The following LIG3 variants were observed in gnomAD, a reference collection of about 807,000 sequenced individuals.
LIG3 encodes ligase II, DNA, ATP-dependent.
In LIG3, 58 loss-of-function variants were observed where a neutral mutation model predicts 110.9. The ratio of observed to expected loss-of-function variants is 0.52; its 90% CI spans 0.42 to 0.65. The LOEUF is 0.65. Ranked by LOEUF, LIG3 falls within the 30% of genes least tolerant of loss-of-function variation. The pLI is 0.00. For missense variants in LIG3, 1,094 were observed against 1,273.8 expected (o/e 0.86, Z 2.15); for synonymous variants, 422 against 472.8 (o/e 0.89, Z 1.39).
Position 35,005,367 on chromosome 17 carries a change from C to G in LIG3, c.*861C>G, listed in dbSNP as rs568804267. The G allele has an allele frequency of 3.6e-6, 2 of 557,562 alleles. No individual in the cohort carries two copies. The highest frequency in any genetic ancestry group is 1.9e-5 in the African/African-American group (1 of 52,872). The allele number at this position is 557,562 out of a possible 1,614,324, so 34.5% of individuals were successfully genotyped here. On this transcript the variant is annotated 3_prime_UTR_variant, in exon 20 of 20. Coordinates refer to ENST00000378526, the MANE Select transcript of LIG3 (RefSeq NM_013975.4). ...TCCAACCTGAAGTTGAAGAAGCCAC[C>G]CTGGCTGCACATGCCATCAGCCATG...
chr17:35,005,168 T>C lies in LIG3; in HGVS notation c.*662T>C, dbSNP rs1387322370. 1 of 370,080 alleles carries C rather than the reference T, an allele frequency of 2.7e-6. No individual in the cohort carries two copies. The highest frequency in any genetic ancestry group is 7.2e-5 in the East Asian group (1 of 13,958). The allele number at this position is 370,080 out of a possible 1,614,324, so 22.9% of individuals were successfully genotyped here. A position where few individuals can be genotyped will look rare whatever the true frequency, so the allele number is the denominator to read the frequency against. ...CTTTATGAAGAAAGGGGAGGTTATT[T>C]GGGCCACTCCTCTGGAGGGATAGAG... On this transcript the variant is annotated 3_prime_UTR_variant, in exon 20 of 20. Coordinates refer to ENST00000378526, the MANE Select transcript of LIG3 (RefSeq NM_013975.4).
chr17:34,989,354 C>A, intron 3 of LIG3, 112 bp from the exon 4 acceptor site: 1 of 943,720 alleles, frequency 1.1e-6, no homozygotes, highest in Non-Finnish European at 1.6e-6. Context: ...AAAGTCTATT[C>A]GGGGAGATTA....
Position 34,983,016 on chromosome 17 carries a change from C to A in LIG3, c.11C>A (p.Ala4Asp). MSLAFKIFFPQTLR... is the reference protein window; with the variant it reads MSLDFKIFFPQTLR... ...CTTTCGTACAGCTATATGTCTTTGG[C>A]TTTCAAGATCTTCTTTCCACAAACC... The change falls in exon 2 of 20, where the codon GCT becomes GAT. Residue 4 changes from alanine to aspartate, a missense_variant. By Grantham distance (126) the Ala-to-Asp change is moderately radical. Coordinates refer to ENST00000378526, the MANE Select transcript of LIG3 (RefSeq NM_013975.4). The A allele has an allele frequency of 6.4e-7, 1 of 1,559,478 alleles. No individual in the cohort carries two copies. The highest frequency in any genetic ancestry group is 8.7e-7 in the Non-Finnish European group (1 of 1,153,416).
At chr17:34,998,356 T>G in intron 13 of LIG3, 60 bp downstream of exon 13, 2 of 1,459,810 alleles carry the variant, frequency 1.4e-6, no homozygotes, top group Non-Finnish European at 1.9e-6. Context: ...CCCCTGAGCC[T>G]TTCCAGCCCT....
At chr17:34,990,350 G>C (rs1195111745) in intron 4 of LIG3, among the ~76,000 whole-genome samples, 2 of 152,238 alleles carry the variant, frequency 1.3e-5, no homozygotes, top group Non-Finnish European at 2.9e-5. Context: ...TGCAATCTCA[G>C]CTCACTGCAA....
rs1349838727 is a variant in LIG3 at position 34,992,594 on chromosome 17, C to G, written c.1357C>G (p.Arg453Gly). 1 of 1,613,774 alleles carries G rather than the reference C, an allele frequency of 6.2e-7. No individual in the cohort carries two copies. The highest frequency in any genetic ancestry group is 1.7e-5 in the Admixed American group (1 of 59,924). The change falls in exon 8 of 20, where the codon CGG becomes GGG. Residue 453 changes from arginine to glycine, a missense_variant. Physicochemically the swap from Arg to Gly is moderately radical, Grantham distance 125. Coordinates refer to ENST00000378526, the MANE Select transcript of LIG3 (RefSeq NM_013975.4). The stretch of plus-strand genomic sequence containing the variant: ...GCGCAACCTGCAGGATGTGGTGGAG[C>G]GGGTCCTTCACAACGCGCAGGAGGT... ...ASRNLQDVVE[R>G]VLHNAQEVEK...
At chr17:35,002,142 G>A (rs772263407) in intron 18 of LIG3, 38 bp downstream of exon 18, 38 of 1,493,838 alleles carry the variant, frequency 2.5e-5, no homozygotes, top group East Asian at 1.4e-4. Flanking sequence ...TGAAGAGGGC[G>A]GTGTGAGGGG....
intron 15 of LIG3, 93 bp from the exon 16 acceptor site, chr17:34,999,689 T>A: frequency 7.9e-7 from 1 of 1,264,826 alleles, no homozygotes; most frequent in Non-Finnish European, 1.2e-6. Context: ...ATCAGCTGTT[T>A]AAGTGGCTTC....
At chr17:35,003,743 TC>T (rs2142291997) in intron 19 of LIG3, 1 of 157,694 alleles carries the variant, frequency 6.3e-6, no homozygotes, top group Admixed American at 6.1e-5. Context: ...GCCCCCACGC[TC>T]CCCACCGCCA....
intron 3 of LIG3, among the ~76,000 whole-genome samples, chr17:34,988,053 C>T (rs1277627606): frequency 4.0e-5 from 6 of 151,684 alleles, no homozygotes; most frequent in South Asian, 4.2e-4. Flanking sequence ...ATTAGCCGGG[C>T]GTGGTGGCAG....
At chr17:34,999,058 A>G (rs897071777) in intron 14 of LIG3, 29 of 522,556 alleles carry the variant, frequency 5.5e-5, no homozygotes, top group African/African-American at 5.1e-4. Flanking sequence ...CTTTTAAGCA[A>G]TCTATCATGT....
chr17:35,003,130 G>A, intron 19 of LIG3: 1 of 1,591,406 alleles, frequency 6.3e-7, no homozygotes, highest in Non-Finnish European at 8.6e-7. Context: ...AAAGGGAAAA[G>A]ACCAGTCTGG....
intron 9 of LIG3, 97 bp from the exon 10 acceptor site, chr17:34,995,967 C>G: frequency 2.0e-6 from 3 of 1,467,840 alleles, no homozygotes; most frequent in Non-Finnish European, 1.9e-6. Context: ...ACATGTTGTT[C>G]TATATCCTGT....
chr17:35,009,069 G>C lies in LIG3; in HGVS notation c.*4563G>C, dbSNP rs994704755. On this transcript the variant is annotated 3_prime_UTR_variant, in exon 20 of 20. Transcript: ENST00000378526. ...GCATGAACCACTGTCAGGCTCTTTT[G>C]TCAGTCCTATCAACCTCTAACATCC... is the stretch of plus-strand genomic sequence containing the variant. The C allele has an allele frequency of 6.6e-6, 1 of 152,634 alleles. No individual in the cohort carries two copies. The highest frequency in any genetic ancestry group is 1.5e-5 in the Non-Finnish European group (1 of 68,052). The allele number at this position is 152,634 out of a possible 1,614,324, so 9.5% of individuals were successfully genotyped here.
chr17:35,002,092 A>C lies in LIG3; in HGVS notation c.2662A>C (p.Asn888His). Residue 888 changes from asparagine to histidine, a missense_variant, in exon 18 of 20, where the codon AAC becomes CAC. Transcript: ENST00000378526. Reference protein sequence around the residue: ...KKAEGKLSNSNSKDGNMQTAK... With the variant: ...KKAEGKLSNSHSKDGNMQTAK... ...AGCAGAAGGGAAGCTGAGTAACTCC[A>C]ACAGCAAAGATGGTAAGGATAGGGA... 1.9e-6 allele frequency: 3 copies of C among 1,584,808 alleles called. No homozygotes were observed. In the East Asian group the frequency reaches 6.8e-5, roughly 36 times the overall value.
chr17:34,987,359 C>T (rs3135970), intron 3 of LIG3, among the ~76,000 whole-genome samples: 243 of 152,202 alleles, frequency 1.6e-3, no homozygotes, highest in African/African-American at 5.6e-3. Context: ...TTATTAGGCC[C>T]TTTTTATGAC....
intron 16 of LIG3, among the ~76,000 whole-genome samples, chr17:35,001,033 T>C (rs1029472681): frequency 6.6e-6 from 1 of 151,862 alleles, no homozygotes; most frequent in Non-Finnish European, 1.5e-5. Flanking sequence ...GCCTTCTGAG[T>C]AGCTGGGACT....
rs2090846292 is a variant in LIG3, at chr17:35,001,910, A to T, written c.2480A>T (p.Glu827Val). The T allele has an allele frequency of 3.1e-6, 5 of 1,608,972 alleles. No individual in the cohort carries two copies. The highest frequency in any genetic ancestry group is 4.2e-6 in the Non-Finnish European group (5 of 1,178,332). Reference sequence around the variant, plus strand: ...TGACATTGTCCCTCCCCGCCTCAGGAACTGTACCAGTTGTCCAAGGAGAAG... The same window carrying T: ...TGACATTGTCCCTCCCCGCCTCAGGTACTGTACCAGTTGTCCAAGGAGAAG... Reference protein sequence around the residue: ...KSATNLPQLKELYQLSKEKAD... With the variant: ...KSATNLPQLKVLYQLSKEKAD... Residue 827 changes from glutamate (E) to valine (V), a missense_variant and splice_region_variant, in exon 18 of 20, where the codon GAA becomes GTA. Physicochemically the swap from Glu to Val is moderately radical, Grantham distance 121. Coordinates refer to ENST00000378526, the MANE Select transcript of LIG3 (RefSeq NM_013975.4).
At chr17:34,995,362 G>T (rs1433930647) in intron 9 of LIG3, among the ~76,000 whole-genome samples, 3 of 152,194 alleles carry the variant, frequency 2.0e-5, no homozygotes, top group Non-Finnish European at 4.4e-5. Context: ...TTCTGGTGAG[G>T]TTGGTGTTAA....
Sources: gnomAD v4.1 joint callset for allele counts (sites outside exome capture counted in the v4.1 genomes callset) on GRCh38, gnomAD v4.1.1 for gene constraint, MANE v1.5 for transcripts, NCBI Gene and HGNC (gene_info 2026-07-23, HGNC 2026-07-21) for gene names.